The following KCNMB2 variants were observed in gnomAD, a reference collection of about 807,000 sequenced individuals.
KCNMB2 encodes the protein calcium-activated potassium channel subunit beta-2.
In KCNMB2, 9 loss-of-function variants were observed where a neutral mutation model predicts 24.5. The observed-to-expected ratio is 0.37, with a 90% CI of 0.22 to 0.64. The LOEUF (loss-of-function observed/expected upper bound fraction) is 0.64. Ranked by LOEUF, KCNMB2 falls within the 30% of genes least tolerant of loss-of-function variation. The pLI is 0.63. For synonymous variants in KCNMB2, 109 were observed against 104.4 expected, an observed-to-expected ratio of 1.04 and a Z score of -0.27; for missense variants, 226 against 284.3, an observed-to-expected ratio of 0.79 and a Z score of 1.47.
intron 1 of KCNMB2, among the ~76,000 whole-genome samples, chr3:178,709,729 T>C (rs1243363150): frequency 6.6e-6 from 1 of 152,188 alleles, no homozygotes; most frequent in African/African-American, 2.4e-5. Context: ...TGAGAATTTT[T>C]AAAAATTAAC....
At chr3:178,729,325 TC>T (rs1475078988) in intron 1 of KCNMB2, 1 of 152,170 alleles carries the variant, frequency 6.6e-6, no homozygotes, top group East Asian at 1.9e-4. Context: ...ATCAATTTGG[TC>T]CCATCTCACA....
chr3:178,737,505 GAATA>G (rs1172043975), intron 1 of KCNMB2, among the ~76,000 whole-genome samples: 8 of 152,138 alleles, frequency 5.3e-5, no homozygotes, highest in African/African-American at 1.9e-4. Context: ...ATTGTTAGTA[GAATA>G]AAAAATGAGA....
At chr3:178,607,518 G>A (rs964398688) in intron 1 of KCNMB2, among the ~76,000 whole-genome samples, 1 of 152,074 alleles carries the variant, frequency 6.6e-6, no homozygotes, top group Admixed American at 6.6e-5. Flanking sequence ...CTGTAATGTA[G>A]GCATTGTATC....
chr3:178,650,578 A>C (rs1334062972), intron 1 of KCNMB2, among the ~76,000 whole-genome samples: 1 of 152,108 alleles, frequency 6.6e-6, no homozygotes, highest in Non-Finnish European at 1.5e-5. Flanking sequence ...CATCATCCTG[A>C]TACCAAAACC....
chr3:178,801,512 T>C (rs1713776249), intron 1 of KCNMB2, among the ~76,000 whole-genome samples: 1 of 152,202 alleles, frequency 6.6e-6, no homozygotes. Flanking sequence ...AAAAGTATTT[T>C]TCATTCTTGT....
At chr3:178,610,041 T>A (rs1489184051) in intron 1 of KCNMB2, among the ~76,000 whole-genome samples, 1 of 152,248 alleles carries the variant, frequency 6.6e-6, no homozygotes, top group Non-Finnish European at 1.5e-5. Context: ...CTATCTTTTT[T>A]CCAGTGTATA....
At position 178,750,842 on chromosome 3, in the gene KCNMB2, CTCA is replaced by C. The variant is rs549164290; in HGVS notation, c.-67-56497_-67-56495del. ...GAATAATAATTCCCTGTGTTACTTC[CTCA>C]TCAACTCCAGCAGGCAAATTAACTT... is the stretch of plus-strand genomic sequence containing the variant. On this transcript the variant is annotated intron_variant, in intron 1 of 4. Transcript: ENST00000452583. Among the ~76,000 whole-genome samples the C allele has an allele frequency of 2.2e-3, 334 of 152,302 alleles. 2 individuals carry two copies. The highest frequency in any genetic ancestry group is 7.6e-3 in the African/African-American group (315 of 41,562).
chr3:178,688,812 C>T (rs1332878865), intron 1 of KCNMB2, among the ~76,000 whole-genome samples: 1 of 151,748 alleles, frequency 6.6e-6, no homozygotes, highest in African/African-American at 2.4e-5. Context: ...GAACATGAGG[C>T]AAAGAAAGAC....
chr3:178,798,910 A>C (rs1488533483), intron 1 of KCNMB2, among the ~76,000 whole-genome samples: 1 of 152,128 alleles, frequency 6.6e-6, no homozygotes, highest in Non-Finnish European at 1.5e-5. Flanking sequence ...AAAAAGAAAT[A>C]AAAATAAACA....
chr3:178,662,273 C>T (rs973835165), intron 1 of KCNMB2, among the ~76,000 whole-genome samples: 1 of 152,180 alleles, frequency 6.6e-6, no homozygotes. Context: ...CTCATTTACT[C>T]AGCTTTATCC....
intron 1 of KCNMB2, among the ~76,000 whole-genome samples, chr3:178,780,594 T>C (rs1235870035): frequency 2.0e-5 from 3 of 152,196 alleles, no homozygotes; most frequent in African/African-American, 7.2e-5. Context: ...AATACCCTGC[T>C]GTAAGGCAAG....
At chr3:178,748,255 AG>A (rs1306194165) in intron 1 of KCNMB2, 5 of 152,258 alleles carry the variant, frequency 3.3e-5, no homozygotes, top group Non-Finnish European at 7.3e-5. Context: ...CCTGGAGTTT[AG>A]TCTACTGTAA....
chr3:178,743,193 C>T (rs1723552015), intron 1 of KCNMB2, among the ~76,000 whole-genome samples: 1 of 152,122 alleles, frequency 6.6e-6, no homozygotes, highest in South Asian at 2.1e-4. Context: ...GTCACACATC[C>T]TCTCCCCAAA....
chr3:178,614,281 A>ATGTATATGTG (rs1718614097), intron 1 of KCNMB2, among the ~76,000 whole-genome samples: 1 of 104,772 alleles, frequency 9.5e-6, no homozygotes, highest in Admixed American at 1.1e-4. Flanking sequence ...ATATATATAT[A>ATGTATATGTG]TATATATATA....
rs186471964 is a variant in KCNMB2 at position 178,583,957 on chromosome 3, A to T, written c.-68+47246A>T. Among the ~76,000 whole-genome samples, 70 of 152,340 alleles carry T rather than the reference A, an allele frequency of 4.6e-4. 1 individual carries two copies. The East Asian group carries it at 0.012, about 27-fold the overall frequency. On this transcript the variant is annotated intron_variant, in intron 1 of 4. Coordinates refer to ENST00000452583, the MANE Select transcript of KCNMB2 (RefSeq NM_181361.3). ...CGGAGGTCTGTGAAACTCCACACTA[A>T]GCTATCTTCCCTGGTTAGGAAAACT...
intron 1 of KCNMB2, among the ~76,000 whole-genome samples, chr3:178,806,471 G>A (rs2108451441): frequency 6.6e-6 from 1 of 152,204 alleles, no homozygotes; most frequent in South Asian, 2.1e-4. Flanking sequence ...CAAACTGAAA[G>A]CCACTAATGA....
At chr3:178,710,832 C>T (rs1577116380) in intron 1 of KCNMB2, among the ~76,000 whole-genome samples, 2 of 152,232 alleles carry the variant, frequency 1.3e-5, no homozygotes, top group African/African-American at 4.8e-5. Context: ...TTTACTTCAG[C>T]CTCGTGATCT....
At chr3:178,632,900 G>T (rs543542219) in intron 1 of KCNMB2, among the ~76,000 whole-genome samples, 1 of 152,278 alleles carries the variant, frequency 6.6e-6, no homozygotes, top group South Asian at 2.1e-4. Flanking sequence ...TACAGGTATT[G>T]GGTCAATACA....
chr3:178,698,427 G>C (rs1189999461), intron 1 of KCNMB2, among the ~76,000 whole-genome samples: 4 of 152,106 alleles, frequency 2.6e-5, no homozygotes, highest in Non-Finnish European at 5.9e-5. Context: ...GAATACTTGT[G>C]ATTGCATTAT....
Sources: allele counts gnomAD v4.1 joint callset (sites outside exome capture counted in the v4.1 genomes callset), GRCh38; gene constraint gnomAD v4.1.1; transcripts MANE v1.5; gene names NCBI Gene and HGNC (gene_info 2026-07-23, HGNC 2026-07-21).